Variants in RPGRIP1L observed in about 807,000 individuals in gnomAD.
RPGRIP1L encodes protein fantom.
Under a neutral mutation model 160.4 loss-of-function variants are expected in RPGRIP1L, and 131 were observed. The observed-to-expected ratio is 0.82, with a 90% CI of 0.71 to 0.94. RPGRIP1L has a LOEUF of 0.94. Ranked by LOEUF, RPGRIP1L falls within the 40% of genes least tolerant of loss-of-function variation. The pLI, the probability that RPGRIP1L is intolerant of heterozygous loss-of-function variation, is 0.00. For synonymous variants in RPGRIP1L, 510 were observed against 515.8 expected (o/e 0.99, Z 0.15); for missense variants, 1,522 against 1,535.8 (o/e 0.99, Z 0.15).
chr16:53,699,660 T>C (rs1230579192), intron 2 of RPGRIP1L, among the ~76,000 whole-genome samples: 7 of 152,198 alleles, frequency 4.6e-5, no homozygotes, highest in Non-Finnish European at 1.0e-4. Flanking sequence ...AAAATCTGTG[T>C]AGCCAAAAAT....
intron 22 of RPGRIP1L, among the ~76,000 whole-genome samples, chr16:53,629,788 T>C (rs1195586740): frequency 6.6e-6 from 1 of 152,152 alleles, no homozygotes; most frequent in African/African-American, 2.4e-5. Flanking sequence ...ATTGCAGCTA[T>C]ATGGTATTCA....
intron 22 of RPGRIP1L, among the ~76,000 whole-genome samples, chr16:53,623,743 A>G (rs961681959): frequency 6.6e-6 from 1 of 152,200 alleles, no homozygotes; most frequent in Non-Finnish European, 1.5e-5. Flanking sequence ...GGAACTGTTC[A>G]CATATTTGCC....
chr16:53,642,418 T>A (rs1966283515), intron 17 of RPGRIP1L, among the ~76,000 whole-genome samples: 1 of 151,906 alleles, frequency 6.6e-6, no homozygotes, highest in African/African-American at 2.4e-5. Flanking sequence ...TGATACTCCT[T>A]TTAATGGCTG....
intron 19 of RPGRIP1L, among the ~76,000 whole-genome samples, chr16:53,640,253 G>A (rs1438579618): frequency 6.6e-6 from 1 of 152,142 alleles, no homozygotes; most frequent in African/African-American, 2.4e-5. Context: ...AAGAGGGTTG[G>A]TATAATCAGG....
intron 7 of RPGRIP1L, among the ~76,000 whole-genome samples, chr16:53,673,260 T>C (rs1378436178): frequency 1.3e-5 from 2 of 152,220 alleles, no homozygotes; most frequent in Non-Finnish European, 2.9e-5. Flanking sequence ...TCACATATTT[T>C]ATTTCCTCCT....
intron 22 of RPGRIP1L, among the ~76,000 whole-genome samples, chr16:53,632,187 C>T (rs1049796239): frequency 2.0e-5 from 3 of 152,224 alleles, no homozygotes; most frequent in African/African-American, 7.2e-5. Flanking sequence ...TAGGAACTGT[C>T]AGATTCTGTA....
At position 53,686,527 on chromosome 16, in the gene RPGRIP1L, A is replaced by T. The variant is rs369953449; in HGVS notation, c.682T>A (p.Leu228Met). Residue 228 changes from leucine (L) to methionine (M), a missense_variant, in exon 6 of 27, where the codon TTG becomes ATG. Coordinates refer to ENST00000647211, the MANE Select transcript of RPGRIP1L (RefSeq NM_015272.5). ...QRGQIEELEH[L>M]AEILKTQLRR... ...AACTGAGTTTTCAGGATCTCAGCCAAGTGCTCTAACTCCTCTATCTGGCCT... is the reference window on the plus strand; with the variant it reads ...AACTGAGTTTTCAGGATCTCAGCCATGTGCTCTAACTCCTCTATCTGGCCT... 3.1e-6 allele frequency: 5 copies of T among 1,613,612 alleles called. No individual in the cohort carries two copies. Among genetic ancestry groups the T allele is most frequent in the Non-Finnish European group, 3.4e-6 (4 of 1,179,788 alleles).
At chr16:53,612,445 C>A (rs1964107616) in intron 24 of RPGRIP1L, among the ~76,000 whole-genome samples, 1 of 150,608 alleles carries the variant, frequency 6.6e-6, no homozygotes, top group Non-Finnish European at 1.5e-5. Flanking sequence ...TTTTTAGAGG[C>A]TGCCAGTACA....
Position 53,652,923 on chromosome 16 carries a change from A to C in RPGRIP1L, c.1764T>G (p.Asp588Glu), listed in dbSNP as rs761581572. Reference protein sequence around the residue: ...QYKFKPEIMPDDSVDEFDETI... With the variant: ...QYKFKPEIMPEDSVDEFDETI... Reference sequence around the variant, plus strand: ...TTTCATCAAATTCATCAACAGAGTCATCTGGCATGATTTCTGGTTTAAATT... The same window carrying C: ...TTTCATCAAATTCATCAACAGAGTCCTCTGGCATGATTTCTGGTTTAAATT... Residue 588 changes from aspartate to glutamate, a missense_variant, in exon 15 of 27, where the codon GAT becomes GAG. Coordinates refer to ENST00000647211, the MANE Select transcript of RPGRIP1L (RefSeq NM_015272.5). 1 of 1,613,478 alleles carries C rather than the reference A, an allele frequency of 6.2e-7. No homozygotes were observed. Among genetic ancestry groups the C allele is most frequent in the African/African-American group, 1.3e-5 (1 of 74,908 alleles).
At chr16:53,631,461 G>A (rs1965515294) in intron 22 of RPGRIP1L, among the ~76,000 whole-genome samples, 1 of 152,164 alleles carries the variant, frequency 6.6e-6, no homozygotes, top group African/African-American at 2.4e-5. Context: ...ACAGCTGTGA[G>A]TTCATGGCAA....
intron 14 of RPGRIP1L, chr16:53,655,744 G>A (rs1215925528): frequency 1.3e-5 from 2 of 152,322 alleles, no homozygotes; most frequent in Non-Finnish European, 1.5e-5. Flanking sequence ...TAGGGGTAGG[G>A]CCCAGGAAAC....
At chr16:53,681,659 C>T (rs1969618582) in intron 6 of RPGRIP1L, among the ~76,000 whole-genome samples, 1 of 152,142 alleles carries the variant, frequency 6.6e-6, no homozygotes, top group Non-Finnish European at 1.5e-5. Flanking sequence ...TAAAAAAGAG[C>T]AGCACTGGGC....
intron 9 of RPGRIP1L, among the ~76,000 whole-genome samples, chr16:53,666,592 G>GTGTGTATA (rs1555608921): frequency 3.4e-5 from 5 of 147,458 alleles, no homozygotes; most frequent in African/African-American, 9.9e-5. Flanking sequence ...GTGTGTGTGT[G>GTGTGTATA]TATATATATA....
rs552806880 is a variant in RPGRIP1L, at chr16:53,614,888, T to C, written c.3617-3837A>G. Among the ~76,000 whole-genome samples the C allele has an allele frequency of 3.3e-4, 51 of 152,342 alleles. No individual in the cohort carries two copies. The South Asian group carries it at 7.2e-3, about 22-fold the overall frequency. On this transcript the variant is annotated intron_variant, in intron 24 of 26. Transcript: ENST00000647211. Reference sequence around the variant, plus strand: ...GGTAGTCCAAATACTTTAGTTGATCTTCAGTCATCTACCATTAAAAACATA... The same window carrying C: ...GGTAGTCCAAATACTTTAGTTGATCCTCAGTCATCTACCATTAAAAACATA...
In RPGRIP1L at chr16:53,637,709, T is replaced by C. The variant is rs200726671; in HGVS notation, c.3206A>G (p.Asp1069Gly). The change falls in exon 21 of 27, where the codon GAC becomes GGC. Residue 1069 changes from aspartate (D) to glycine (G), a missense_variant. Physicochemically the swap from Asp to Gly is moderately conservative, Grantham distance 94 (BLOSUM62 -1). Transcript: ENST00000647211. ...SSEDETEITE[D>G]LEPEVEEDMS... ...AAGAAAGTCACCTTCTGGTTCCAAG[T>C]CCTCTGTTATTTCTGTTTCATCTTC... is the stretch of plus-strand genomic sequence containing the variant. 31 of 1,609,578 alleles carry C rather than the reference T, an allele frequency of 1.9e-5. No homozygotes were observed. Among genetic ancestry groups the C allele is most frequent in the African/African-American group, 2.7e-5 (2 of 74,900 alleles).
rs1048653523 is a variant in RPGRIP1L at position 53,673,649 on chromosome 16, A to G, written c.883-633T>C. Among the ~76,000 whole-genome samples, 8 of 152,258 alleles carry G rather than the reference A, an allele frequency of 5.3e-5. 1 individual carries two copies. Among genetic ancestry groups the G allele is most frequent in the Admixed American group, 2.6e-4 (4 of 15,276 alleles). ...TTCATATAGACCATATAACCATAGC[A>G]TGCAATGCCTCACCTGCTAACTTAA... is the stretch of plus-strand genomic sequence containing the variant. On this transcript the variant is annotated intron_variant, in intron 7 of 26. Transcript: ENST00000647211.
At chr16:53,623,314 T>C (rs982110167) in intron 22 of RPGRIP1L, among the ~76,000 whole-genome samples, 7 of 152,190 alleles carry the variant, frequency 4.6e-5, no homozygotes, top group African/African-American at 1.4e-4. Flanking sequence ...TCAGTGACAG[T>C]AGGGACTATT....
At chr16:53,617,288 T>C (rs904095755) in intron 24 of RPGRIP1L, among the ~76,000 whole-genome samples, 4 of 152,036 alleles carry the variant, frequency 2.6e-5, no homozygotes, top group Non-Finnish European at 4.4e-5. Context: ...TAAAAAACAA[T>C]GTTGTTGCCA....
At chr16:53,612,975 G>A (rs1283351824) in intron 24 of RPGRIP1L, among the ~76,000 whole-genome samples, 1 of 151,984 alleles carries the variant, frequency 6.6e-6, no homozygotes, top group South Asian at 2.1e-4. Flanking sequence ...CTGACTCCCC[G>A]AAGTATGTCA....
Sources: allele counts gnomAD v4.1 joint callset (sites outside exome capture counted in the v4.1 genomes callset), GRCh38; gene constraint gnomAD v4.1.1; transcripts MANE v1.5; gene names NCBI Gene and HGNC (gene_info 2026-07-23, HGNC 2026-07-21).